The following MED12L variants were observed in gnomAD, a reference collection of about 807,000 sequenced individuals.
MED12L encodes mediator complex subunit 12L, also known as mediator of RNA polymerase II transcription subunit 12-like protein.
Under a neutral mutation model 281.3 loss-of-function variants are expected in MED12L, and 60 were observed. The observed-to-expected ratio is 0.21, with a 90% CI of 0.17 to 0.26. The LOEUF is 0.26. MED12L is among the 10% of genes least tolerant of loss of function. The pLI, the probability that MED12L is intolerant of heterozygous loss-of-function variation, is 1.00. For synonymous variants in MED12L, 974 were observed against 987.2 expected (o/e 0.99, Z 0.25); for missense variants, 2,146 against 2,680.9 (o/e 0.80, Z 4.41).
rs760076360 is a variant in MED12L, at chr3:151,122,836, C to G, written c.258C>G (p.Phe86Leu). 7.4e-6 allele frequency: 12 copies of G among 1,611,688 alleles called. No homozygotes were observed. The highest frequency in any genetic ancestry group is 3.3e-5 in the Admixed American group (2 of 59,776). Residue 86 changes from phenylalanine to leucine, a missense_variant, in exon 4 of 45, where the codon TTC becomes TTG. Phe to Leu is a conservative substitution (Grantham distance 22). Around this residue, in one of 9 missense-constraint regions of MED12L, gnomAD observed 722 missense variants for 861.2 expected, o/e 0.84. Transcript: ENST00000687756. ...CTGAGAAACTGAAGCTTAACACTTTCCAGGACACGGGAAAGAAGAAACCAC... is the reference window on the plus strand; with the variant it reads ...CTGAGAAACTGAAGCTTAACACTTTGCAGGACACGGGAAAGAAGAAACCAC... ...ILAEKLKLNT[F>L]QDTGKKKPQV...
At chr3:151,214,308 A>G in intron 16 of MED12L, 1 of 1,612,622 alleles carries the variant, frequency 6.2e-7, no homozygotes, top group Non-Finnish European at 8.5e-7. Context: ...TGGAGGTTGA[A>G]TTGATCATCT....
chr3:151,208,031 C>T (rs1726607957), intron 16 of MED12L, among the ~76,000 whole-genome samples: 4 of 152,140 alleles, frequency 2.6e-5, no homozygotes, highest in Admixed American at 2.6e-4. Flanking sequence ...CCAGAACATT[C>T]TGAATGTACT....
chr3:151,265,547 C>G (rs935182525), intron 16 of MED12L, among the ~76,000 whole-genome samples: 5 of 152,206 alleles, frequency 3.3e-5, no homozygotes, highest in Non-Finnish European at 7.3e-5. Flanking sequence ...TCTCAAATCA[C>G]TGATGACAGA....
chr3:151,261,016 G>A (rs1250198764), intron 16 of MED12L, among the ~76,000 whole-genome samples: 3 of 152,094 alleles, frequency 2.0e-5, no homozygotes, highest in Admixed American at 2.0e-4. Flanking sequence ...GGGCAAGCAT[G>A]GCCTGAGGAT....
At chr3:151,427,439 C>T (rs554880646) in intron 43 of MED12L, among the ~76,000 whole-genome samples, 7 of 152,224 alleles carry the variant, frequency 4.6e-5, no homozygotes, top group South Asian at 2.1e-4. Context: ...ACACAAGCTT[C>T]CTAGGGTATA....
chr3:151,408,470 G>C (rs1042551479), intron 39 of MED12L, among the ~76,000 whole-genome samples: 4 of 151,784 alleles, frequency 2.6e-5, no homozygotes, highest in African/African-American at 9.7e-5. Flanking sequence ...TTTACAATCA[G>C]TAAGTCCTGA....
chr3:151,173,046 T>G (rs1721622347), intron 11 of MED12L, among the ~76,000 whole-genome samples: 1 of 152,130 alleles, frequency 6.6e-6, no homozygotes, highest in African/African-American at 2.4e-5. Context: ...GGAGTGGGCC[T>G]CTTGATTTGT....
At chr3:151,336,429 A>G (rs1283871643) in intron 16 of MED12L, 8 of 446,242 alleles carry the variant, frequency 1.8e-5, no homozygotes, top group Middle Eastern at 3.4e-4. Flanking sequence ...GAGGGTTTCA[A>G]TAAAAGTGAT....
chr3:151,202,159 T>A (rs746327566), intron 16 of MED12L, among the ~76,000 whole-genome samples: 3 of 152,230 alleles, frequency 2.0e-5, no homozygotes, highest in Non-Finnish European at 2.9e-5. Flanking sequence ...AACAAATCTG[T>A]TTATTTAAAA....
chr3:151,130,793 CT>C (rs1384308095), intron 5 of MED12L, among the ~76,000 whole-genome samples: 1 of 152,182 alleles, frequency 6.6e-6, no homozygotes. Flanking sequence ...CTGTTACTGT[CT>C]TCTTATTCTG....
intron 16 of MED12L, among the ~76,000 whole-genome samples, chr3:151,286,635 T>C (rs1445892534): frequency 2.6e-5 from 4 of 152,222 alleles, no homozygotes; most frequent in Admixed American, 6.5e-5. Flanking sequence ...TTCATGGAGT[T>C]CTTTTTCCTT....
At chr3:151,131,359 G>A (rs1560077740) in intron 5 of MED12L, among the ~76,000 whole-genome samples, 1 of 152,174 alleles carries the variant, frequency 6.6e-6, no homozygotes, top group Non-Finnish European at 1.5e-5. Flanking sequence ...CCACCACTTT[G>A]GGAGAACAGG....
intron 5 of MED12L, among the ~76,000 whole-genome samples, chr3:151,146,467 T>C (rs992210675): frequency 2.6e-5 from 4 of 152,186 alleles, no homozygotes; most frequent in African/African-American, 9.7e-5. Flanking sequence ...GGCCACTTTC[T>C]TCTCTTTGTA....
chr3:151,145,030 T>C (rs1717581270), intron 5 of MED12L, among the ~76,000 whole-genome samples: 2 of 152,230 alleles, frequency 1.3e-5, no homozygotes, highest in Admixed American at 1.3e-4. Context: ...TCTGTGCCAG[T>C]CACTGTTTTA....
intron 16 of MED12L, among the ~76,000 whole-genome samples, chr3:151,260,376 G>A (rs971709306): frequency 6.6e-6 from 1 of 151,972 alleles, no homozygotes; most frequent in African/African-American, 2.4e-5. Flanking sequence ...TTGAGACAGG[G>A]TCTTGCTCTG....
chr3:151,383,133 A>C (rs992948502), intron 33 of MED12L, among the ~76,000 whole-genome samples: 1 of 152,238 alleles, frequency 6.6e-6, no homozygotes, highest in African/African-American at 2.4e-5. Flanking sequence ...CATCAAATTG[A>C]TTATAAAGAC....
At chr3:151,310,028 A>G (rs146652504) in intron 16 of MED12L, among the ~76,000 whole-genome samples, 159 of 152,268 alleles carry the variant, frequency 1.0e-3, no homozygotes, top group African/African-American at 3.6e-3. Context: ...TGATCAAACC[A>G]TTAGGAGGCT....
At chr3:151,353,399 T>C (rs997337152) in intron 17 of MED12L, among the ~76,000 whole-genome samples, 1 of 152,220 alleles carries the variant, frequency 6.6e-6, no homozygotes, top group Admixed American at 6.5e-5. Flanking sequence ...CTTTTGAGAA[T>C]AGACATTGAA....
At chr3:151,405,656 C>G (rs1291278095) in intron 39 of MED12L, among the ~76,000 whole-genome samples, 1 of 152,072 alleles carries the variant, frequency 6.6e-6, no homozygotes, top group Non-Finnish European at 1.5e-5. Context: ...TTCACATAAA[C>G]AAAAACAAAC....
Sources: allele counts gnomAD v4.1 joint callset (sites outside exome capture counted in the v4.1 genomes callset), GRCh38; gene constraint gnomAD v4.1.1; regional missense constraint gnomAD v4.1.1; transcripts MANE v1.5; gene names NCBI Gene and HGNC (gene_info 2026-07-23, HGNC 2026-07-21).